The following RIMKLB variants were observed in gnomAD, a reference collection of about 807,000 sequenced individuals.
RIMKLB encodes beta-citrylglutamate synthase B.
A neutral mutation model predicts 32.0 loss-of-function variants in RIMKLB; 7 were observed. The observed-to-expected ratio is 0.22, with a 90% CI of 0.12 to 0.41. The LOEUF is 0.41. Among genes scored for constraint, RIMKLB ranks in the 10% least tolerant of loss-of-function variants. The pLI is 1.00. For missense variants in RIMKLB, 289 were observed against 498.7 expected (o/e 0.58, Z 4.00); for synonymous variants, 172 against 185.1 (o/e 0.93, Z 0.57).
Position 8,745,233 on chromosome 12 carries a change from G to A in RIMKLB, c.176-4629G>A, listed in dbSNP as rs750497157. 3.6e-4 allele frequency among the ~76,000 whole-genome samples: 54 copies of A among 151,998 alleles called. 2 individuals carry two copies. The highest frequency in any genetic ancestry group is 1.3e-3 in the African/African-American group (53 of 41,310). On this transcript the variant is annotated intron_variant, in intron 2 of 5. Transcript: ENST00000535829. ...TAAAGTACTGGGATTACAGGCGTGAGCCACTGTGGCTGGCCTTGCTGGTTT... is the reference window on the plus strand; with the variant it reads ...TAAAGTACTGGGATTACAGGCGTGAACCACTGTGGCTGGCCTTGCTGGTTT...
intron 2 of RIMKLB, among the ~76,000 whole-genome samples, chr12:8,745,032 CCCCA>C (rs1325921464): frequency 2.0e-5 from 3 of 151,994 alleles, no homozygotes; most frequent in Non-Finnish European, 4.4e-5. Context: ...GTGTGATGTT[CCCCA>C]CCCTGTGTCT....
At chr12:8,725,130 C>T (rs1591755930) in intron 2 of RIMKLB, among the ~76,000 whole-genome samples, 1 of 152,184 alleles carries the variant, frequency 6.6e-6, no homozygotes, top group Non-Finnish European at 1.5e-5. Flanking sequence ...AAGAAAATTA[C>T]TTGTTACACA....
chr12:8,763,625 G>C (rs1159713471), intron 5 of RIMKLB, among the ~76,000 whole-genome samples: 1 of 152,260 alleles, frequency 6.6e-6, no homozygotes, highest in African/African-American at 2.4e-5. Flanking sequence ...AACCTGCTGT[G>C]AGCAGAGCTG....
downstream of RIMKLB, among the ~76,000 whole-genome samples, chr12:8,781,951 CTG>C (rs967344597): frequency 6.6e-6 from 1 of 151,324 alleles, no homozygotes; most frequent in Non-Finnish European, 1.5e-5. Context: ...GGCAACCAAG[CTG>C]TGTATGATCA....
At chr12:8,728,024 T>A (rs542831645) in intron 2 of RIMKLB, among the ~76,000 whole-genome samples, 1 of 152,378 alleles carries the variant, frequency 6.6e-6, no homozygotes, top group East Asian at 1.9e-4. Context: ...CCATAGGTTC[T>A]GCATTGCCAG....
chr12:8,735,091 A>G (rs1049718298), intron 2 of RIMKLB, among the ~76,000 whole-genome samples: 1 of 152,180 alleles, frequency 6.6e-6, no homozygotes, highest in Non-Finnish European at 1.5e-5. Flanking sequence ...CTGTCCTTAT[A>G]TGGGTACAGA....
upstream of RIMKLB, chr12:8,679,164 C>T (rs1942362088): frequency 6.6e-6 from 1 of 152,158 alleles, no homozygotes; most frequent in Non-Finnish European, 1.5e-5. Flanking sequence ...GCTCTGTTTT[C>T]TGAGCCATTT....
At chr12:8,709,257 A>C (rs1944162926) in intron 1 of RIMKLB, among the ~76,000 whole-genome samples, 1 of 152,202 alleles carries the variant, frequency 6.6e-6, no homozygotes, top group East Asian at 1.9e-4. Context: ...CATTAGCAGG[A>C]CTGTCATTTT....
At chr12:8,718,513 T>C (rs1217831542) in intron 2 of RIMKLB, among the ~76,000 whole-genome samples, 4 of 152,098 alleles carry the variant, frequency 2.6e-5, no homozygotes, top group Non-Finnish European at 5.9e-5. Context: ...CCTGGTGGCA[T>C]GCGCCTGTAG....
At chr12:8,746,392 A>G (rs1948089737) in intron 2 of RIMKLB, among the ~76,000 whole-genome samples, 1 of 151,542 alleles carries the variant, frequency 6.6e-6, no homozygotes, top group Admixed American at 6.6e-5. Flanking sequence ...TGAGGTCAGG[A>G]GTTTGAGACC....
At chr12:8,682,511 G>C (rs1942436271) in intron 1 of RIMKLB, among the ~76,000 whole-genome samples, 1 of 152,092 alleles carries the variant, frequency 6.6e-6, no homozygotes, top group South Asian at 2.1e-4. Flanking sequence ...GGTGGCTCAC[G>C]CCTGTAATCC....
At chr12:8,750,166 T>C in intron 3 of RIMKLB, 74 bp downstream of exon 3, 1 of 871,950 alleles carries the variant, frequency 1.1e-6, no homozygotes, top group Non-Finnish European at 1.9e-6. Flanking sequence ...TTTACAGACA[T>C]GAAAGAACAC....
At chr12:8,670,281 T>A in the RIMKLB span, among the ~76,000 whole-genome samples, 1 of 151,994 alleles carries the variant, frequency 6.6e-6, no homozygotes, top group African/African-American at 2.4e-5. Flanking sequence ...TAGTCCAAAG[T>A]CTCATCCAAG....
chr12:8,727,086 G>C (rs772456260), intron 2 of RIMKLB, among the ~76,000 whole-genome samples: 8 of 152,122 alleles, frequency 5.3e-5, no homozygotes, highest in Non-Finnish European at 1.0e-4. Flanking sequence ...CCTCCCACCA[G>C]TCCCTGAGAT....
At chr12:8,687,134 T>C (rs1942601047) in intron 1 of RIMKLB, among the ~76,000 whole-genome samples, 1 of 152,222 alleles carries the variant, frequency 6.6e-6, no homozygotes, top group Non-Finnish European at 1.5e-5. Flanking sequence ...GATTGCCAGA[T>C]AAACACAGGA....
chr12:8,672,472 C>T, the RIMKLB span, among the ~76,000 whole-genome samples: 4 of 152,056 alleles, frequency 2.6e-5, no homozygotes, highest in South Asian at 2.1e-4. Flanking sequence ...ACCTTAGAAT[C>T]GGGAGGAGAA....
intron 5 of RIMKLB, among the ~76,000 whole-genome samples, chr12:8,754,699 T>C (rs187072165): frequency 2.0e-5 from 3 of 152,350 alleles, no homozygotes; most frequent in Admixed American, 2.0e-4. Context: ...AAGGAATTGC[T>C]TACTCAGTAT....
At chr12:8,721,295 T>C (rs1051288783) in intron 2 of RIMKLB, among the ~76,000 whole-genome samples, 1 of 152,234 alleles carries the variant, frequency 6.6e-6, no homozygotes, top group Non-Finnish European at 1.5e-5. Flanking sequence ...ATTTGCCCCA[T>C]TGACATTAAA....
downstream of RIMKLB, chr12:8,777,815 T>C: frequency 1.9e-6 from 1 of 529,760 alleles, no homozygotes; most frequent in African/African-American, 2.1e-5. Context: ...AATTTAACTC[T>C]TTCTCCTTTC....
Sources: gnomAD v4.1 joint callset for allele counts (sites outside exome capture counted in the v4.1 genomes callset) on GRCh38, gnomAD v4.1.1 for gene constraint, MANE v1.5 for transcripts, NCBI Gene and HGNC (gene_info 2026-07-23, HGNC 2026-07-21) for gene names.